Variants in ROR1 observed in about 807,000 individuals in gnomAD.
ROR1 encodes ROR family WNT receptor 1, also known as inactive tyrosine-protein kinase transmembrane receptor ROR1.
In ROR1, 19 loss-of-function variants were observed where a neutral mutation model predicts 78.8. That is an observed-to-expected ratio of 0.24 (90% CI 0.17 to 0.35). The LOEUF (loss-of-function observed/expected upper bound fraction) is 0.35, where lower values mean the gene tolerates loss of function less well. Ranked by LOEUF, ROR1 falls within the 10% of genes least tolerant of loss-of-function variation. The pLI is 1.00. For missense variants in ROR1, 917 were observed against 1,177.8 expected, an observed-to-expected ratio of 0.78 and a Z score of 3.24; for synonymous variants, 386 against 433.6, an observed-to-expected ratio of 0.89 and a Z score of 1.36.
chr1:63,995,787 G>A (rs1173342127), intron 1 of ROR1, among the ~76,000 whole-genome samples: 1 of 152,092 alleles, frequency 6.6e-6, no homozygotes, highest in African/African-American at 2.4e-5. Context: ...GAATAAATGA[G>A]CTATTATTTA....
At chr1:63,970,904 C>T (rs1278993679) in intron 1 of ROR1, among the ~76,000 whole-genome samples, 1 of 152,162 alleles carries the variant, frequency 6.6e-6, no homozygotes, top group Non-Finnish European at 1.5e-5. Context: ...ACCCTTGCTG[C>T]CTCCCTCTAT....
intron 4 of ROR1, among the ~76,000 whole-genome samples, chr1:64,071,562 C>A (rs1165007092): frequency 6.6e-6 from 1 of 151,932 alleles, no homozygotes; most frequent in South Asian, 2.1e-4. Context: ...TCCACTCCCC[C>A]CCGCCCCACC....
chr1:64,016,744 T>TATATATATATATATATAC (rs1033442921), intron 2 of ROR1, among the ~76,000 whole-genome samples: 1 of 149,074 alleles, frequency 6.7e-6, no homozygotes, highest in African/African-American at 2.4e-5. Context: ...TATATATATA[T>TATATATATATATATATAC]ATATAAAGAT....
chr1:64,045,479 C>T (rs1484089048), intron 2 of ROR1, among the ~76,000 whole-genome samples: 1 of 152,086 alleles, frequency 6.6e-6, no homozygotes, highest in Non-Finnish European at 1.5e-5. Flanking sequence ...TTAAAACTTT[C>T]TCCCCTCAGT....
intron 4 of ROR1, among the ~76,000 whole-genome samples, chr1:64,117,712 A>G (rs1282168988): frequency 6.6e-6 from 1 of 152,182 alleles, no homozygotes; most frequent in African/African-American, 2.4e-5. Context: ...CAGAGGCTTT[A>G]AAAATGCCCC....
intron 7 of ROR1, among the ~76,000 whole-genome samples, chr1:64,146,254 T>A (rs1029581090): frequency 5.3e-5 from 8 of 152,178 alleles, no homozygotes; most frequent in Admixed American, 5.2e-4. Flanking sequence ...GGCAGGCAGA[T>A]CACTTGAGGT....
At chr1:63,941,252 A>G (rs1204685225) in intron 1 of ROR1, among the ~76,000 whole-genome samples, 2 of 152,220 alleles carry the variant, frequency 1.3e-5, no homozygotes, top group Non-Finnish European at 2.9e-5. Context: ...ATATATTTAA[A>G]AATACATACT....
chr1:63,903,145 TTAAGA>T (rs1645499506), intron 1 of ROR1, among the ~76,000 whole-genome samples: 1 of 152,162 alleles, frequency 6.6e-6, no homozygotes, highest in South Asian at 2.1e-4. Context: ...CAGGGTTCTG[TTAAGA>T]TAAGGGAAAA....
chr1:64,079,027 G>T (rs116438777), intron 4 of ROR1, among the ~76,000 whole-genome samples: 1 of 152,130 alleles, frequency 6.6e-6, no homozygotes, highest in African/African-American at 2.4e-5. Context: ...GCTGAGAATC[G>T]TTGATTAGAG....
chr1:63,945,330 T>A (rs939511013), intron 1 of ROR1, among the ~76,000 whole-genome samples: 1 of 152,178 alleles, frequency 6.6e-6, no homozygotes, highest in African/African-American at 2.4e-5. Flanking sequence ...CACGGAACAA[T>A]ATTTTCTGTG....
At chr1:63,976,483 T>A (rs1247869389) in intron 1 of ROR1, among the ~76,000 whole-genome samples, 1 of 152,152 alleles carries the variant, frequency 6.6e-6, no homozygotes, top group Non-Finnish European at 1.5e-5. Flanking sequence ...CAGAGAAACA[T>A]AATTTGACCT....
intron 4 of ROR1, among the ~76,000 whole-genome samples, chr1:64,096,885 T>C (rs1429049001): frequency 6.8e-6 from 1 of 146,564 alleles, no homozygotes; most frequent in Admixed American, 7.0e-5. Flanking sequence ...TTCCTTTTTT[T>C]CTCCACAACC....
At chr1:64,062,311 ATTG>A (rs1024364771) in intron 4 of ROR1, among the ~76,000 whole-genome samples, 2 of 151,280 alleles carry the variant, frequency 1.3e-5, no homozygotes, top group African/African-American at 2.4e-5. Flanking sequence ...TTTTGTTGTT[ATTG>A]TTGTTGTTGT....
At chr1:64,055,139 G>A (rs1355298304) in intron 4 of ROR1, among the ~76,000 whole-genome samples, 1 of 152,124 alleles carries the variant, frequency 6.6e-6, no homozygotes, top group African/African-American at 2.4e-5. Flanking sequence ...ACATATTTGG[G>A]AGGACATGGT....
At chr1:64,083,991 C>G (rs1647128330) in intron 4 of ROR1, among the ~76,000 whole-genome samples, 1 of 152,188 alleles carries the variant, frequency 6.6e-6, no homozygotes, top group Non-Finnish European at 1.5e-5. Context: ...GACTGTGACT[C>G]TAATTGGTAA....
intron 1 of ROR1, among the ~76,000 whole-genome samples, chr1:63,971,120 G>A (rs1439907571): frequency 6.6e-6 from 1 of 152,148 alleles, no homozygotes; most frequent in East Asian, 1.9e-4. Flanking sequence ...CTAGATAGAT[G>A]TTCATGCTGT....
chr1:64,172,755 G>A (rs1475052211), intron 8 of ROR1, among the ~76,000 whole-genome samples: 1 of 152,116 alleles, frequency 6.6e-6, no homozygotes, highest in Non-Finnish European at 1.5e-5. Context: ...AAATTGAACT[G>A]CCAAAACTTT....
chr1:64,137,506 A>G lies in ROR1; in HGVS notation c.610+10A>G. ...GAAAATCAGATCACAGGTAGGTAGC[A>G]CCAATGAAATTATATTTGTCCCTTG... is the stretch of plus-strand genomic sequence containing the variant. On this transcript the variant is annotated intron_variant, in intron 5 of 8. Transcript: ENST00000371079. 1.9e-6 allele frequency: 3 copies of G among 1,607,820 alleles called. No individual in the cohort carries two copies. The highest frequency in any genetic ancestry group is 2.5e-6 in the Non-Finnish European group (3 of 1,177,152).
intron 1 of ROR1, among the ~76,000 whole-genome samples, chr1:63,803,200 A>G (rs1248080899): frequency 6.6e-6 from 1 of 152,202 alleles, no homozygotes; most frequent in African/African-American, 2.4e-5. Context: ...CTTTGGGGCC[A>G]TTTAATTTCG....
Sources: allele counts gnomAD v4.1 joint callset (sites outside exome capture counted in the v4.1 genomes callset), GRCh38; gene constraint gnomAD v4.1.1; transcripts MANE v1.5; gene names NCBI Gene and HGNC (gene_info 2026-07-23, HGNC 2026-07-21).